Variants in FIBCD1 observed in about 807,000 individuals in gnomAD.
The protein encoded by FIBCD1 is fibrinogen C domain containing 1.
Under a neutral mutation model 45.1 loss-of-function variants are expected in FIBCD1, and 47 were observed. That is an observed-to-expected ratio of 1.04 (90% CI 0.82 to 1.33). The LOEUF (loss-of-function observed/expected upper bound fraction) is 1.33, where lower values mean the gene tolerates loss of function less well. FIBCD1 is among the 40% of genes most tolerant of loss of function. The pLI is 0.00. For missense variants in FIBCD1, 653 were observed against 682.2 expected (o/e 0.96, Z 0.48); for synonymous variants, 313 against 308.1 (o/e 1.02, Z -0.17).
chr9:130,918,432 G>A (rs1171384554), intron 4 of FIBCD1, among the ~76,000 whole-genome samples: 1 of 152,170 alleles, frequency 6.6e-6, no homozygotes, highest in Non-Finnish European at 1.5e-5. Flanking sequence ...GCCTTAGAAC[G>A]GCCCCCTGGA....
chr9:130,930,014 C>T lies in FIBCD1; in HGVS notation c.105G>A (p.Val35=). ...RPSCGYVLCT[V]LLALAVLLAV... ...CCAGCAGCACAGCCAGGGCCAGCAGCACGGTGCACAGCACGTAGCCGCAGC... is the reference window on the plus strand; with the variant it reads ...CCAGCAGCACAGCCAGGGCCAGCAGTACGGTGCACAGCACGTAGCCGCAGC... Residue 35 remains valine, a synonymous_variant, in exon 2 of 7, where the codon GTG becomes GTA. Transcript: ENST00000372338. 6.5e-7 allele frequency: 1 copy of T among 1,530,418 alleles called. No homozygotes were observed. The highest frequency in any genetic ancestry group is 1.3e-5 in the South Asian group (1 of 78,974). The allele number at this position is 1,530,418 out of a possible 1,614,324, so 94.8% of individuals were successfully genotyped here.
chr9:130,912,379 C>T (rs1466732601), intron 4 of FIBCD1, among the ~76,000 whole-genome samples: 1 of 137,722 alleles, frequency 7.3e-6, no homozygotes, highest in Non-Finnish European at 1.5e-5. Context: ...GTACTCCAGC[C>T]TGGGCTCTCT....
At chr9:130,917,194 CG>C (rs199538737) in intron 4 of FIBCD1, among the ~76,000 whole-genome samples, 1,785 of 152,194 alleles carry the variant, frequency 0.012, 40 homozygotes, top group African/African-American at 0.04. Flanking sequence ...GGTCCAGCTC[CG>C]GGGGGGCGTC....
At chr9:130,933,271 A>AG (rs1183300893) in intron 1 of FIBCD1, among the ~76,000 whole-genome samples, 2 of 152,154 alleles carry the variant, frequency 1.3e-5, no homozygotes, top group African/African-American at 4.8e-5. Context: ...CGAGATAACA[A>AG]GGGGGGCTCT....
chr9:130,911,256 A>G (rs558882440), intron 5 of FIBCD1, among the ~76,000 whole-genome samples: 1 of 152,184 alleles, frequency 6.6e-6, no homozygotes, highest in Non-Finnish European at 1.5e-5. Flanking sequence ...AGAAGAAAAA[A>G]ACTCCAGGCG....
Position 130,929,699 on chromosome 9 carries a change from C to T in FIBCD1, c.420G>A (p.Leu140=), listed in dbSNP as rs997481139. ...CCAGCAGCCGGGGCAGCTGGTCGGC[C>T]AGCGTGTCCAGCAGCTCCTGCTCCT... ...GDQEQELLDT[L]ADQLPRLLAR... Residue 140 remains leucine, a synonymous_variant, in exon 2 of 7, where the codon CTG becomes CTA. Coordinates refer to ENST00000372338, the MANE Select transcript of FIBCD1 (RefSeq NM_032843.5). 1 of 1,602,692 alleles carries T rather than the reference C, an allele frequency of 6.2e-7. No homozygotes were observed. Among genetic ancestry groups the T allele is most frequent in the Admixed American group, 1.7e-5 (1 of 59,154 alleles).
At chr9:130,913,897 G>T (rs1832110736) in intron 4 of FIBCD1, among the ~76,000 whole-genome samples, 1 of 152,124 alleles carries the variant, frequency 6.6e-6, no homozygotes, top group Non-Finnish European at 1.5e-5. Flanking sequence ...CTGGGGACCT[G>T]GGCATGCTCA....
rs142824059 is a variant in FIBCD1, at chr9:130,932,435, C to T, written c.73-2389G>A. On this transcript the variant is annotated intron_variant, in intron 1 of 6. Transcript: ENST00000372338. ...ACGCCTGCCCAGTTCTCTTGGGGGC[C>T]GCGTCCATTCCGGGCTCCACGCATC... 6.9e-3 allele frequency among the ~76,000 whole-genome samples: 1,055 copies of T among 152,242 alleles called. 2 individuals are homozygous for T. Among genetic ancestry groups the T allele is most frequent in the Middle Eastern group, 0.017 (5 of 294 alleles).
intron 4 of FIBCD1, among the ~76,000 whole-genome samples, chr9:130,919,830 C>T (rs1195370160): frequency 1.3e-5 from 2 of 152,244 alleles, no homozygotes; most frequent in African/African-American, 4.8e-5. Flanking sequence ...CTCCAAGTCC[C>T]TGCTGAAGGA....
At chr9:130,920,984 G>A (rs950907123) in intron 4 of FIBCD1, among the ~76,000 whole-genome samples, 2 of 152,248 alleles carry the variant, frequency 1.3e-5, no homozygotes, top group Non-Finnish European at 2.9e-5. Flanking sequence ...AGGCTGCTGG[G>A]TGACCTCGGG....
At position 130,902,444 on chromosome 9, in the gene FIBCD1, C is replaced by T. The variant is rs1006166165; in HGVS notation, c.*1620G>A. 1.3e-5 allele frequency: 2 copies of T among 152,290 alleles called. No homozygotes were observed. The highest frequency in any genetic ancestry group is 4.8e-5 in the African/African-American group (2 of 41,460). 9.4% of individuals were successfully genotyped at this position (152,290 alleles called of 1,614,324 possible). On this transcript the variant is annotated 3_prime_UTR_variant, in exon 7 of 7. Coordinates refer to ENST00000372338, the MANE Select transcript of FIBCD1 (RefSeq NM_032843.5). ...GAAGGAAGCGCTGCAGACATCTGCG[C>T]ATGTGGATGACCTGGTGGCACTGGG...
At chr9:130,940,584 G>A (rs1327358993), upstream of FIBCD1, among the ~76,000 whole-genome samples, 1 of 152,232 alleles carries the variant, frequency 6.6e-6, no homozygotes, top group Admixed American at 6.5e-5. Context: ...GTGGCTGAGG[G>A]CAAGCAACAT....
chr9:130,933,502 G>A (rs924453358), intron 1 of FIBCD1, among the ~76,000 whole-genome samples: 15 of 152,190 alleles, frequency 9.9e-5, no homozygotes, highest in African/African-American at 3.6e-4. Flanking sequence ...CTGACCACTC[G>A]CATGAGCTTC....
intron 1 of FIBCD1, among the ~76,000 whole-genome samples, chr9:130,931,924 C>T (rs779714393): frequency 2.0e-5 from 3 of 152,268 alleles, no homozygotes; most frequent in Admixed American, 6.5e-5. Context: ...CACTTGGAGC[C>T]GTGCCTGGCA....
At chr9:130,905,452 C>T (rs1296292125) in intron 5 of FIBCD1, 39 bp from the exon 6 acceptor site, 29 of 1,574,598 alleles carry the variant, frequency 1.8e-5, no homozygotes, top group East Asian at 2.3e-5. Context: ...AGCTGAGGGG[C>T]GTAGGAAGCG....
chr9:130,932,433 G>A (rs553390544), intron 1 of FIBCD1, among the ~76,000 whole-genome samples: 2 of 152,298 alleles, frequency 1.3e-5, no homozygotes, highest in African/African-American at 4.8e-5. Flanking sequence ...TCTCTTGGGG[G>A]CCGCGTCCAT....
In FIBCD1 at chr9:130,922,987, C is replaced by T. The variant is rs1374874486; in HGVS notation, c.849+757G>A. On this transcript the variant is annotated intron_variant, in intron 4 of 6. Transcript: ENST00000372338. The surrounding 1 kb of genome is among the most constrained non-coding windows in gnomAD (Gnocchi z 4.5). ...ACAGTGACTTCTTCCGCCCCCAATG[C>T]CCCCTGGCGTGTAAATTCCTCGGGA... 1.3e-5 allele frequency among the ~76,000 whole-genome samples: 2 copies of T among 152,170 alleles called. No homozygotes were observed. Among genetic ancestry groups the T allele is most frequent in the Non-Finnish European group, 2.9e-5 (2 of 68,032 alleles).
intron 4 of FIBCD1, among the ~76,000 whole-genome samples, chr9:130,912,703 T>C (rs1832080799): frequency 7.8e-6 from 1 of 127,748 alleles, no homozygotes; most frequent in Admixed American, 7.4e-5. Flanking sequence ...CAAAACTGTC[T>C]GAAAAAAAAA....
chr9:130,913,921 T>C (rs1588106362), intron 4 of FIBCD1, among the ~76,000 whole-genome samples: 2 of 152,096 alleles, frequency 1.3e-5, no homozygotes, highest in African/African-American at 4.8e-5. Context: ...GTGAAGGAGT[T>C]CCTGAAGGCA....
Sources: allele counts gnomAD v4.1 joint callset (sites outside exome capture counted in the v4.1 genomes callset), GRCh38; gene constraint gnomAD v4.1.1; non-coding constraint Gnocchi (gnomAD v3.1); transcripts MANE v1.5; gene names NCBI Gene and HGNC (gene_info 2026-07-23, HGNC 2026-07-21).